MYO1F: variants seen among roughly 807,000 people sequenced by gnomAD.
MYO1F encodes unconventional myosin-If.
MYO1F carries 60 observed loss-of-function variants against 146.6 expected under a neutral mutation model. The ratio of observed to expected loss-of-function variants is 0.41; its 90% CI spans 0.33 to 0.51. The LOEUF (loss-of-function observed/expected upper bound fraction) is 0.51. Ranked by LOEUF, MYO1F falls within the 20% of genes least tolerant of loss-of-function variation. The probability of loss-of-function intolerance (pLI) is 0.25; values close to 1 mark genes in which losing one functional copy is unlikely to be tolerated. For synonymous variants in MYO1F, 602 were observed against 602.1 expected, an observed-to-expected ratio of 1.00 and a Z score of 0.00; for missense variants, 1,274 against 1,534.3, an observed-to-expected ratio of 0.83 and a Z score of 2.83.
At chr19:8,525,355 G>A in intron 25 of MYO1F, 124 bp downstream of exon 25, 2 of 824,244 alleles carry the variant, frequency 2.4e-6, no homozygotes, top group South Asian at 1.5e-5. Context: ...TGGAGCTACG[G>A]AGAGTCCTGG....
Position 8,521,420 on chromosome 19 carries a change from G to C in MYO1F, c.*108C>G, listed in dbSNP as rs1972056056. On this transcript the variant is annotated 3_prime_UTR_variant, in exon 28 of 28. Transcript: ENST00000644032. ...GGAGGCCAAAGGACTGGACTTTTAG[G>C]CTATTGCAGCCCAGGTAAACGAGGC... 1.4e-5 allele frequency: 17 copies of C among 1,202,416 alleles called. No homozygotes were observed. The South Asian group carries it at 2.0e-4, about 14-fold the overall frequency. 74.5% of individuals were successfully genotyped at this position (1,202,416 alleles called of 1,614,324 possible). A position where few individuals can be genotyped will look rare whatever the true frequency, so the allele number is the denominator to read the frequency against.
chr19:8,541,688 CA>C (rs1972978721), intron 15 of MYO1F: 1 of 575,782 alleles, frequency 1.7e-6, no homozygotes, highest in Admixed American at 2.7e-5. Flanking sequence ...TTCGGCCTCC[CA>C]AAGTGCTGGG....
rs1972445236 is a variant in MYO1F, at chr19:8,530,583, G to T, written c.2044-10C>A. The T allele has an allele frequency of 2.5e-6, 4 of 1,604,008 alleles. No homozygotes were observed. The highest frequency in any genetic ancestry group is 1.1e-5 in the South Asian group (1 of 90,976). On this transcript the variant is annotated splice_polypyrimidine_tract_variant and intron_variant, in intron 19 of 27. Transcript: ENST00000644032. This position sits in a 1 kb window ranked among gnomAD's most constrained non-coding sequence, Gnocchi z 5.8. ...CCTCCAGGAGGAAAAGCTGGGCGGGGGTCGTGGGGGGCAAGGGTGAGTCCT... is the reference window on the plus strand; with the variant it reads ...CCTCCAGGAGGAAAAGCTGGGCGGGTGTCGTGGGGGGCAAGGGTGAGTCCT...
At position 8,528,884 on chromosome 19, in the gene MYO1F, G is replaced by A. The variant is rs116966117; in HGVS notation, c.2328+1312C>T. The stretch of plus-strand genomic sequence containing the variant: ...GAGTTTGTACAGGAAGGCAGGTGAG[G>A]GTGTACCTGGTAGAAGGGTGAATGT... On this transcript the variant is annotated intron_variant, in intron 21 of 27. Transcript: ENST00000644032. 7.5e-3 allele frequency among the ~76,000 whole-genome samples: 1,148 copies of A among 152,234 alleles called. 11 individuals are homozygous for A. The highest frequency in any genetic ancestry group is 0.013 in the Non-Finnish European group (876 of 68,012).
intron 1 of MYO1F, among the ~76,000 whole-genome samples, chr19:8,571,336 A>T (rs1313316500): frequency 6.6e-6 from 1 of 152,096 alleles, no homozygotes; most frequent in African/African-American, 2.4e-5. Flanking sequence ...TGCACTGTGC[A>T]AACAACATTC....
chr19:8,571,969 C>T (rs1008744195), intron 1 of MYO1F, among the ~76,000 whole-genome samples: 6 of 152,044 alleles, frequency 3.9e-5, no homozygotes, highest in South Asian at 2.1e-4. Flanking sequence ...GTGATCCGCA[C>T]GCCTCGGCCT....
intron 1 of MYO1F, among the ~76,000 whole-genome samples, chr19:8,559,454 A>T (rs1568366564): frequency 6.6e-6 from 1 of 151,980 alleles, no homozygotes; most frequent in Non-Finnish European, 1.5e-5. Flanking sequence ...ATAAGGGTAG[A>T]TCTGGGTTCT....
chr19:8,565,969 CATG>C (rs2041994720), intron 1 of MYO1F, among the ~76,000 whole-genome samples: 1 of 151,694 alleles, frequency 6.6e-6, no homozygotes, highest in African/African-American at 2.4e-5. Flanking sequence ...ATTAGCCAGG[CATG>C]GTGGTATGCG....
intron 15 of MYO1F, 101 bp from the exon 16 acceptor site, chr19:8,540,129 G>A (rs1479236821): frequency 4.6e-6 from 4 of 876,360 alleles, no homozygotes; most frequent in Non-Finnish European, 7.1e-6. Context: ...CGCAAAATAT[G>A]GTTCTCTCAA....
At position 8,541,950 on chromosome 19, in the gene MYO1F, G is replaced by A. The variant is rs34295411; in HGVS notation, c.1566C>T (p.Asp522=). The A allele has an allele frequency of 6.9e-4, 1,116 of 1,613,560 alleles. 3 individuals carry two copies. The African/African-American group carries it at 0.013, about 18-fold the overall frequency. The change falls in exon 15 of 28, where the codon GAC becomes GAT. Residue 522 remains aspartate (D), a synonymous_variant. Coordinates refer to ENST00000644032, the MANE Select transcript of MYO1F (RefSeq NM_012335.4). ...DVSGFCERNR[D]VLFSDLIELM... Reference sequence around the variant, plus strand: ...GCTCTATGAGGTCGGAGAAGAGAACGTCTCGGTTCCTCTCGCAGAAGCCGC... The same window carrying A: ...GCTCTATGAGGTCGGAGAAGAGAACATCTCGGTTCCTCTCGCAGAAGCCGC...
chr19:8,553,941 C>T (rs1200358657), intron 4 of MYO1F, among the ~76,000 whole-genome samples: 1 of 149,638 alleles, frequency 6.7e-6, no homozygotes, highest in African/African-American at 2.4e-5. Context: ...TTCTCTCTCT[C>T]TGCTCTCATA....
intron 8 of MYO1F, 24 bp from the exon 9 acceptor site, chr19:8,550,718 C>G: frequency 6.2e-7 from 1 of 1,613,644 alleles, no homozygotes; most frequent in Non-Finnish European, 8.5e-7. Context: ...GGGGCAGAAA[C>G]TGTGCCGTGA....
intron 6 of MYO1F, 56 bp from the exon 7 acceptor site, chr19:8,552,220 AGGGTTGGGGAT>A (rs1599993560): frequency 6.2e-7 from 1 of 1,601,102 alleles, no homozygotes; most frequent in East Asian, 2.2e-5. Context: ...AGGTGGGGGA[AGGGTTGGGGAT>A]GGGTCTTATG....
At position 8,577,402 on chromosome 19, in the gene MYO1F, G is replaced by A. The variant is rs782366117; in HGVS notation, c.-93C>T. 1 of 1,426,648 alleles carries A rather than the reference G, an allele frequency of 7.0e-7. No homozygotes were observed. Among genetic ancestry groups the A allele is most frequent in the Non-Finnish European group, 9.9e-7 (1 of 1,014,650 alleles). 88.4% of individuals were successfully genotyped at this position (1,426,648 alleles called of 1,614,324 possible). A position where few individuals can be genotyped will look rare whatever the true frequency, so the allele number is the denominator to read the frequency against. The stretch of plus-strand genomic sequence containing the variant: ...GGGATCTTGGGGGTGGCTTGGGCAT[G>A]GCCCTGCTTCTGCCCGTTCACCGGA... On this transcript the variant is annotated 5_prime_UTR_variant, in exon 1 of 28. Coordinates refer to ENST00000644032, the MANE Select transcript of MYO1F (RefSeq NM_012335.4). The surrounding 1 kb of genome is among the most constrained non-coding windows in gnomAD (Gnocchi z 4.3).
chr19:8,551,895 A>G, intron 7 of MYO1F, 21 bp from the exon 8 acceptor site: 1 of 1,613,910 alleles, frequency 6.2e-7, no homozygotes, highest in Non-Finnish European at 8.5e-7. Flanking sequence ...TGCCATGTTC[A>G]TGCATCTGGT....
rs1490847496 is a variant in MYO1F at position 8,562,156 on chromosome 19, A to ATTTTTTTTTTTTTTTTTTT, written c.4-6361_4-6360insAAAAAAAAAAAAAAAAAAA. Among the ~76,000 whole-genome samples the ATTTTTTTTTTTTTTTTTTT allele has an allele frequency of 2.8e-5, 4 of 142,814 alleles. 1 individual carries two copies. Among genetic ancestry groups the ATTTTTTTTTTTTTTTTTTT allele is most frequent in the African/African-American group, 1.1e-4 (4 of 37,366 alleles). The allele number at this position is 142,814 out of a possible 152,430, so 93.7% of individuals were successfully genotyped here. On this transcript the variant is annotated intron_variant, in intron 1 of 27. Coordinates refer to ENST00000644032, the MANE Select transcript of MYO1F (RefSeq NM_012335.4). ...TTCACGCCGTTCTCCTGCCCGGCTA[A>ATTTTTTTTTTTTTTTTTTT]TTTTTTCTTTTTTTTTTTGTATTTT...
chr19:8,551,948 A>G (rs1184373511), intron 7 of MYO1F, 74 bp from the exon 8 acceptor site: 6 of 1,613,642 alleles, frequency 3.7e-6, no homozygotes, highest in Non-Finnish European at 5.1e-6. Flanking sequence ...CTGCCCTGCC[A>G]TGCCCCCCTA....
rs147691828 is a variant in MYO1F, at chr19:8,540,675, A to C, written c.1611-647T>G. On this transcript the variant is annotated intron_variant, in intron 15 of 27. Coordinates refer to ENST00000644032, the MANE Select transcript of MYO1F (RefSeq NM_012335.4). ...CAGTGAGCCGAGATCGTGCCACTGC[A>C]CTCCAGCCTGGGCGGCAGGGTGAGA... 8.0e-3 allele frequency among the ~76,000 whole-genome samples: 1,196 copies of C among 149,098 alleles called. 4 individuals carry two copies. The highest frequency in any genetic ancestry group is 0.014 in the Middle Eastern group (4 of 286).
At chr19:8,529,376 A>T (rs1322776476) in intron 21 of MYO1F, among the ~76,000 whole-genome samples, 1 of 152,054 alleles carries the variant, frequency 6.6e-6, no homozygotes, top group Admixed American at 6.6e-5. Flanking sequence ...TGGACAGGAG[A>T]GTCCAGGCTA....
Sources: gnomAD v4.1 joint callset for allele counts (sites outside exome capture counted in the v4.1 genomes callset) on GRCh38, gnomAD v4.1.1 for gene constraint, Gnocchi (gnomAD v3.1) non-coding constraint, MANE v1.5 for transcripts, NCBI Gene and HGNC (gene_info 2026-07-23, HGNC 2026-07-21) for gene names.